HIVEP3: variants seen among roughly 807,000 people sequenced by gnomAD.
HIVEP3 encodes HIVEP zinc finger 3, also known as transcription factor HIVEP3.
HIVEP3 carries 49 observed loss-of-function variants against 152.8 expected under a neutral mutation model. That is an observed-to-expected ratio of 0.32 (90% CI 0.26 to 0.41). HIVEP3 has a LOEUF of 0.41. Ranked by LOEUF, HIVEP3 falls within the 10% of genes least tolerant of loss-of-function variation. HIVEP3 has a pLI of 1.00. For missense variants in HIVEP3, 2,790 were observed against 3,103.3 expected (o/e 0.90, Z 2.40); for synonymous variants, 1,269 against 1,289.0 (o/e 0.98, Z 0.33).
At chr1:41,559,128 C>A (rs779621837) in intron 5 of HIVEP3, among the ~76,000 whole-genome samples, 1 of 152,048 alleles carries the variant, frequency 6.6e-6, no homozygotes. Context: ...GCTTTGGCCC[C>A]GCTGCCTCCT....
At chr1:41,836,091 C>T (rs973309396) in intron 1 of HIVEP3, among the ~76,000 whole-genome samples, 1 of 152,176 alleles carries the variant, frequency 6.6e-6, no homozygotes, top group Non-Finnish European at 1.5e-5. Flanking sequence ...CCTGAGCTTT[C>T]GTGCATGTTT....
rs533337447 is a variant in HIVEP3 at position 41,731,671 on chromosome 1, C to T, written c.-800-30676G>A. ...CCCATGTGGGGAAGAATGGAGGTCCCCTGCCAACAATCAGCTTTGACATGC... is the reference window on the plus strand; with the variant it reads ...CCCATGTGGGGAAGAATGGAGGTCCTCTGCCAACAATCAGCTTTGACATGC... On this transcript the variant is annotated intron_variant, in intron 1 of 8. Coordinates refer to ENST00000372583, the MANE Select transcript of HIVEP3 (RefSeq NM_024503.5). Among the ~76,000 whole-genome samples the T allele has an allele frequency of 4.6e-5, 7 of 152,272 alleles. No homozygotes were observed. In the East Asian group the frequency reaches 1.2e-3, roughly 25 times the overall value.
At chr1:41,639,445 A>G (rs1345277516) in intron 2 of HIVEP3, among the ~76,000 whole-genome samples, 4 of 151,970 alleles carry the variant, frequency 2.6e-5, no homozygotes, top group Non-Finnish European at 5.9e-5. Context: ...GAAGACTCTC[A>G]CCCCCTCCCT....
At chr1:41,821,284 T>C (rs1483147693) in intron 1 of HIVEP3, among the ~76,000 whole-genome samples, 6 of 152,186 alleles carry the variant, frequency 3.9e-5, no homozygotes, top group Non-Finnish European at 8.8e-5. Flanking sequence ...TCTTAGATAT[T>C]AGGGCTCCCA....
intron 1 of HIVEP3, among the ~76,000 whole-genome samples, chr1:41,984,683 A>G (rs1358551712): frequency 3.9e-5 from 6 of 152,226 alleles, no homozygotes; most frequent in Admixed American, 1.3e-4. Flanking sequence ...CACACTGACC[A>G]CTACTAGAAA....
chr1:41,720,886 C>T (rs1225914175), intron 1 of HIVEP3, among the ~76,000 whole-genome samples: 3 of 152,162 alleles, frequency 2.0e-5, no homozygotes, highest in Admixed American at 6.5e-5. Context: ...GGAAATCCTG[C>T]AATATGTGAC....
intron 1 of HIVEP3, among the ~76,000 whole-genome samples, chr1:41,897,956 AG>A (rs1644559154): frequency 6.9e-6 from 1 of 144,612 alleles, no homozygotes; most frequent in East Asian, 2.0e-4. Flanking sequence ...AGAGAGAGAG[AG>A]AGAGAGAGAG....
intron 1 of HIVEP3, among the ~76,000 whole-genome samples, chr1:41,995,745 G>C (rs1354142471): frequency 6.6e-6 from 1 of 152,190 alleles, no homozygotes; most frequent in Non-Finnish European, 1.5e-5. Context: ...CATTCAGGAG[G>C]AAAATAAAGG....
chr1:41,609,096 C>T (rs909532195), intron 3 of HIVEP3, among the ~76,000 whole-genome samples: 30 of 151,956 alleles, frequency 2.0e-4, no homozygotes, highest in African/African-American at 7.3e-4. Context: ...GTCATCATAC[C>T]AATTCCTAGG....
At chr1:41,679,586 G>T (rs1157476597) in intron 2 of HIVEP3, among the ~76,000 whole-genome samples, 1 of 152,232 alleles carries the variant, frequency 6.6e-6, no homozygotes, top group Non-Finnish European at 1.5e-5. Flanking sequence ...ATGGAGGGGA[G>T]CTGACCAGCC....
rs1472766848 is a variant in HIVEP3 at position 41,993,335 on chromosome 1, C to A, written n.119+42472G>T. On this transcript the variant is annotated intron_variant and non_coding_transcript_variant, in intron 1 of 3. Coordinates refer to the HIVEP3 transcript ENST00000489103. ...ACAAACAACCCCATCAAAAAGTGGG[C>A]AAAGGACATGAACAGACACTTCTCA... Among the ~76,000 whole-genome samples, 32 of 150,822 alleles carry A rather than the reference C, an allele frequency of 2.1e-4. 1 individual carries two copies. The highest frequency in any genetic ancestry group is 4.3e-4 in the Non-Finnish European group (29 of 67,592).
chr1:41,687,891 T>A (rs987337994), intron 2 of HIVEP3, among the ~76,000 whole-genome samples: 6 of 152,386 alleles, frequency 3.9e-5, no homozygotes, highest in African/African-American at 1.4e-4. Flanking sequence ...CATTTTCTTA[T>A]CATTTTAGGG....
intron 1 of HIVEP3, among the ~76,000 whole-genome samples, chr1:42,017,286 T>G (rs1479167107): frequency 6.6e-6 from 1 of 152,144 alleles, no homozygotes; most frequent in Non-Finnish European, 1.5e-5. Flanking sequence ...AGAATTGAAG[T>G]AAGGATCCAG....
At chr1:42,016,965 C>T (rs1332979750) in intron 1 of HIVEP3, among the ~76,000 whole-genome samples, 1 of 152,038 alleles carries the variant, frequency 6.6e-6, no homozygotes, top group Non-Finnish European at 1.5e-5. Context: ...TAAAGTCCTC[C>T]AAAAATGCTG....
intron 5 of HIVEP3, chr1:41,543,557 G>T (rs572598192): frequency 6.6e-6 from 1 of 152,420 alleles, no homozygotes; most frequent in East Asian, 1.9e-4. Context: ...GCCCTCTCTG[G>T]TCTCCAGCCA....
At chr1:41,779,910 G>A (rs1648939759) in intron 1 of HIVEP3, among the ~76,000 whole-genome samples, 1 of 152,246 alleles carries the variant, frequency 6.6e-6, no homozygotes, top group African/African-American at 2.4e-5. Context: ...CACCCCAGCT[G>A]TGTGTTCTTG....
intron 1 of HIVEP3, among the ~76,000 whole-genome samples, chr1:42,033,041 T>C (rs1410276916): frequency 6.6e-6 from 1 of 152,114 alleles, no homozygotes; most frequent in East Asian, 1.9e-4. Context: ...GAACGAGCAC[T>C]GAGTGGGACA....
rs559070710 is a variant in HIVEP3, at chr1:41,964,218, G to A, written n.120-45694C>T. On this transcript the variant is annotated intron_variant and non_coding_transcript_variant, in intron 1 of 3. Coordinates refer to the HIVEP3 transcript ENST00000489103. ...CTGCACCTTCAGCTGAGGTATCTATGTTCTCTCATTGGGACTGACTAGGCA... is the reference window on the plus strand; with the variant it reads ...CTGCACCTTCAGCTGAGGTATCTATATTCTCTCATTGGGACTGACTAGGCA... Among the ~76,000 whole-genome samples the A allele has an allele frequency of 1.7e-4, 26 of 152,260 alleles. No homozygotes were observed. In the South Asian group the frequency reaches 3.7e-3, roughly 22 times the overall value.
At chr1:42,018,084 T>C (rs536830011) in intron 1 of HIVEP3, among the ~76,000 whole-genome samples, 2 of 152,214 alleles carry the variant, frequency 1.3e-5, no homozygotes, top group East Asian at 3.9e-4. Context: ...CTGTGTAAAG[T>C]GTTTTTTCAA....
Sources: gnomAD v4.1 joint callset for allele counts (sites outside exome capture counted in the v4.1 genomes callset) on GRCh38, gnomAD v4.1.1 for gene constraint, MANE v1.5 for transcripts, NCBI Gene and HGNC (gene_info 2026-07-23, HGNC 2026-07-21) for gene names.